C1orf87: variants seen among roughly 807,000 people sequenced by gnomAD.
C1orf87 encodes the protein chromosome 1 open reading frame 87.
C1orf87 carries 58 observed loss-of-function variants against 60.5 expected under a neutral mutation model. The ratio of observed to expected loss-of-function variants is 0.96; its 90% CI spans 0.78 to 1.19. The LOEUF is 1.19. C1orf87 is among the 50% of genes most tolerant of loss of function. The pLI is 0.00. For missense variants in C1orf87, 673 were observed against 638.6 expected (o/e 1.05, Z -0.58); for synonymous variants, 236 against 227.4 (o/e 1.04, Z -0.34).
chr1:60,064,902 A>AT (rs1645530975), intron 2 of C1orf87, among the ~76,000 whole-genome samples: 1 of 91,028 alleles, frequency 1.1e-5, no homozygotes, highest in South Asian at 3.1e-4. Context: ...ATATATTCTA[A>AT]ATATATAATA....
At chr1:60,001,181 A>AT in intron 9 of C1orf87, 25 bp from the exon 10 acceptor site, 1 of 1,441,576 alleles carries the variant, frequency 6.9e-7, no homozygotes, top group Non-Finnish European at 9.4e-7. Context: ...AAAAAAAAAA[A>AT]GGAAGGGTTT....
Position 60,037,988 on chromosome 1 carries a change from G to A in C1orf87, c.863+4C>T. 6.3e-7 allele frequency: 1 copy of A among 1,594,478 alleles called. No individual in the cohort carries two copies. The highest frequency in any genetic ancestry group is 8.6e-7 in the Non-Finnish European group (1 of 1,163,978). ...AATACCCTCACAAAAAGGGAGAAGA[G>A]TACCTTTGGCTATGAGTGCCATGAC... On this transcript the variant is annotated splice_donor_region_variant and intron_variant, in intron 6 of 11. Transcript: ENST00000371201.
intron 3 of C1orf87, among the ~76,000 whole-genome samples, chr1:60,053,644 A>C (rs1413496223): frequency 6.6e-6 from 1 of 152,160 alleles, no homozygotes; most frequent in Non-Finnish European, 1.5e-5. Flanking sequence ...CTTATTCTAT[A>C]TCTATGTATG....
chr1:60,063,463 G>A (rs1010137035), intron 2 of C1orf87, among the ~76,000 whole-genome samples: 1 of 152,074 alleles, frequency 6.6e-6, no homozygotes, highest in Non-Finnish European at 1.5e-5. Context: ...TACAATGTGA[G>A]CAGCACTGCT....
At chr1:60,000,062 G>C (rs543610753) in intron 10 of C1orf87, among the ~76,000 whole-genome samples, 4 of 152,272 alleles carry the variant, frequency 2.6e-5, no homozygotes, top group African/African-American at 9.6e-5. Context: ...GGTTGAGCCT[G>C]TGAGATAGTT....
chr1:60,034,503 T>G (rs1645261480), intron 6 of C1orf87, among the ~76,000 whole-genome samples: 2 of 152,332 alleles, frequency 1.3e-5, no homozygotes, highest in South Asian at 4.1e-4. Context: ...AAATTGGGTT[T>G]CTTTCAGTGG....
chr1:60,008,603 C>A, intron 9 of C1orf87: 1 of 419,268 alleles, frequency 2.4e-6, no homozygotes, highest in South Asian at 1.7e-5. Context: ...ACCAGGGATG[C>A]ACACACACAG....
At chr1:60,037,710 A>G (rs1645287758) in intron 6 of C1orf87, among the ~76,000 whole-genome samples, 1 of 152,180 alleles carries the variant, frequency 6.6e-6, no homozygotes, top group Non-Finnish European at 1.5e-5. Flanking sequence ...AACACATTCA[A>G]ACCATACCAA....
chr1:59,998,825 G>A lies in C1orf87; in HGVS notation c.1273-1009C>T, dbSNP rs544240243. Among the ~76,000 whole-genome samples the A allele has an allele frequency of 1.1e-4, 17 of 152,144 alleles. No individual in the cohort carries two copies. In the East Asian group the frequency reaches 1.5e-3, roughly 14 times the overall value. Reference sequence around the variant, plus strand: ...AGAGAGAGAATATGAAGCTGACAACGAGAGAAGAAAAAAGATATAGGAAGT... The same window carrying A: ...AGAGAGAGAATATGAAGCTGACAACAAGAGAAGAAAAAAGATATAGGAAGT... On this transcript the variant is annotated intron_variant, in intron 10 of 11. Coordinates refer to ENST00000371201, the MANE Select transcript of C1orf87 (RefSeq NM_152377.3).
At chr1:60,005,964 A>T (rs572681948) in intron 9 of C1orf87, among the ~76,000 whole-genome samples, 1 of 152,122 alleles carries the variant, frequency 6.6e-6, no homozygotes, top group East Asian at 1.9e-4. Context: ...TTGATCTCTG[A>T]TTAGTTTAAG....
At chr1:60,044,832 T>C (rs1645354252) in intron 3 of C1orf87, among the ~76,000 whole-genome samples, 1 of 152,200 alleles carries the variant, frequency 6.6e-6, no homozygotes, top group Non-Finnish European at 1.5e-5. Flanking sequence ...TTAGTTTACT[T>C]TGAATAACAA....
intron 11 of C1orf87, among the ~76,000 whole-genome samples, chr1:59,995,892 T>C (rs12047336): frequency 0.26 from 39,568 of 152,136 alleles, 5,523 homozygotes; most frequent in East Asian, 0.48. Context: ...TGAACTATTG[T>C]TAGTCTCTGT....
At chr1:60,007,683 G>T (rs1490042731) in intron 9 of C1orf87, among the ~76,000 whole-genome samples, 1 of 151,918 alleles carries the variant, frequency 6.6e-6, no homozygotes, top group Non-Finnish European at 1.5e-5. Flanking sequence ...AGTTATTCTT[G>T]CCAGGAGGTT....
rs1403558814 is a variant in C1orf87 at position 60,072,576 on chromosome 1, C to G, written c.68G>C (p.Gly23Ala). The change falls in exon 2 of 12, where the codon GGA (glycine) becomes GCA (alanine). Residue 23 changes from glycine to alanine, a missense_variant. Coordinates refer to ENST00000371201, the MANE Select transcript of C1orf87 (RefSeq NM_152377.3). The stretch of plus-strand genomic sequence containing the variant: ...CACGAGGTATTGAAAGTGTTTACTT[C>G]CAATGATTTTCACCATGATCTCAGG... ...AMPEIMVKII[G>A]SKHFQYLVEK... is the part of the protein sequence containing the mutation. 5 of 1,612,820 alleles carry G rather than the reference C, an allele frequency of 3.1e-6. No homozygotes were observed. Among genetic ancestry groups the G allele is most frequent in the Non-Finnish European group, 2.5e-6 (3 of 1,179,702 alleles).
intron 9 of C1orf87, among the ~76,000 whole-genome samples, chr1:60,010,133 A>G (rs528670050): frequency 6.6e-6 from 1 of 151,858 alleles, no homozygotes; most frequent in Non-Finnish European, 1.5e-5. Flanking sequence ...AATGTACTGC[A>G]TTCATCTATA....
intron 3 of C1orf87, among the ~76,000 whole-genome samples, chr1:60,051,317 C>T (rs1374471819): frequency 1.3e-5 from 2 of 152,148 alleles, no homozygotes; most frequent in Admixed American, 6.5e-5. Flanking sequence ...CATATATATC[C>T]CTGCCCCATT....
chr1:60,025,560 A>G, intron 7 of C1orf87, 62 bp from the exon 8 acceptor site: 1 of 1,255,352 alleles, frequency 8.0e-7, no homozygotes, highest in Non-Finnish European at 1.1e-6. Flanking sequence ...ATGTTTCAAT[A>G]GAATACAATT....
chr1:60,068,696 A>AT (rs1388351533), intron 2 of C1orf87, among the ~76,000 whole-genome samples: 3 of 152,150 alleles, frequency 2.0e-5, no homozygotes, highest in Admixed American at 6.5e-5. Context: ...GGCATAATCT[A>AT]TTTTTAGTCA....
chr1:60,001,270 C>T (rs753384640), intron 9 of C1orf87, 114 bp from the exon 10 acceptor site: 4 of 775,388 alleles, frequency 5.2e-6, no homozygotes, highest in Non-Finnish European at 7.7e-6. Flanking sequence ...AGGCTTTGCT[C>T]TGTGGTTGGC....
Sources: allele counts gnomAD v4.1 joint callset (sites outside exome capture counted in the v4.1 genomes callset), GRCh38; gene constraint gnomAD v4.1.1; transcripts MANE v1.5; gene names NCBI Gene and HGNC (gene_info 2026-07-23, HGNC 2026-07-21).